Variants in LIG1 observed in about 807,000 individuals in gnomAD.
The protein encoded by LIG1 is DNA ligase 1.
A neutral mutation model predicts 115.7 loss-of-function variants in LIG1; 70 were observed. That is an observed-to-expected ratio of 0.60 (90% confidence interval 0.50 to 0.74). The LOEUF is 0.74. Ranked by LOEUF, LIG1 falls within the 30% of genes least tolerant of loss-of-function variation. LIG1 has a pLI of 0.00. For missense variants in LIG1, 1,115 were observed against 1,225.6 expected (o/e 0.91, Z 1.35); for synonymous variants, 487 against 495.3 (o/e 0.98, Z 0.22).
intron 1 of LIG1, among the ~76,000 whole-genome samples, chr19:48,166,728 T>A (rs1241202155): frequency 6.6e-6 from 1 of 152,078 alleles, no homozygotes; most frequent in Admixed American, 6.6e-5. Context: ...CCCAGCATTT[T>A]GGGAGGCCGA....
intron 6 of LIG1, among the ~76,000 whole-genome samples, chr19:48,151,919 A>G (rs1034183246): frequency 1.3e-5 from 2 of 152,130 alleles, no homozygotes; most frequent in Admixed American, 1.3e-4. Flanking sequence ...AATGCAAATG[A>G]CAGCCTGTTA....
Position 48,122,823 on chromosome 19 carries a change from G to A in LIG1, c.2232+111C>T. ...GGGGGCTGGGGTGGGATTGTGAAAA[G>A]GGGCCCTGAGCTCAGACAGGGTACA... On this transcript the variant is annotated intron_variant, in intron 23 of 27. Transcript: ENST00000263274. The surrounding 1 kb of genome is among the most constrained non-coding windows in gnomAD (Gnocchi z 4.3). 1 of 980,458 alleles carries A rather than the reference G, an allele frequency of 1.0e-6. No individual in the cohort carries two copies. Among genetic ancestry groups the A allele is most frequent in the Admixed American group, 1.7e-5 (1 of 59,132 alleles). 60.7% of individuals were successfully genotyped at this position (980,458 alleles called of 1,614,324 possible).
At chr19:48,129,865 C>T (rs527304999) in intron 19 of LIG1, among the ~76,000 whole-genome samples, 8 of 152,336 alleles carry the variant, frequency 5.3e-5, no homozygotes, top group South Asian at 2.1e-4. Context: ...AAACGATTCT[C>T]GTGCCTCAGC....
intron 21 of LIG1, among the ~76,000 whole-genome samples, chr19:48,125,599 G>A (rs772816758): frequency 6.6e-6 from 1 of 152,048 alleles, no homozygotes; most frequent in Admixed American, 6.6e-5. Flanking sequence ...AAATGCACGC[G>A]GCCAACAAAC....
intron 9 of LIG1, chr19:48,147,241 C>T (rs900663719): frequency 6.6e-6 from 1 of 152,166 alleles, no homozygotes; most frequent in African/African-American, 2.4e-5. Flanking sequence ...TATTCCAAAC[C>T]CCTTTTCCGT....
chr19:48,141,320 C>T (rs984988373), intron 11 of LIG1, among the ~76,000 whole-genome samples: 3 of 152,024 alleles, frequency 2.0e-5, no homozygotes, highest in Admixed American at 6.6e-5. Context: ...TTAGTAGAGA[C>T]GGGGTTTCAA....
chr19:48,128,468 T>C lies in LIG1; in HGVS notation c.1822-448A>G, dbSNP rs564300363. Among the ~76,000 whole-genome samples the C allele has an allele frequency of 3.9e-5, 6 of 152,294 alleles. No homozygotes were observed. The East Asian group carries it at 1.2e-3, about 29-fold the overall frequency. ...TCCCTGCTAAAAACCATCCCCATGA[T>C]TCCCCAAAGCTGGGGGGACTCTCCC... is the stretch of plus-strand genomic sequence containing the variant. On this transcript the variant is annotated intron_variant, in intron 19 of 27. Coordinates refer to ENST00000263274, the MANE Select transcript of LIG1 (RefSeq NM_000234.3).
At chr19:48,165,858 CTG>C in intron 1 of LIG1, 1 of 535,416 alleles carries the variant, frequency 1.9e-6, no homozygotes, top group South Asian at 2.0e-5. Flanking sequence ...CATAAGAAGA[CTG>C]TTTTTCATCT....
In LIG1 at chr19:48,137,430, C is replaced by A; in HGVS notation, c.1254+92G>T. 3.3e-6 allele frequency: 5 copies of A among 1,511,690 alleles called. No homozygotes were observed. The highest frequency in any genetic ancestry group is 4.5e-6 in the Non-Finnish European group (5 of 1,113,342). 93.6% of individuals were successfully genotyped at this position (1,511,690 alleles called of 1,614,324 possible). The stretch of plus-strand genomic sequence containing the variant: ...CATGAGAAGGACTGATGCGACCCAG[C>A]TGATGGTCTACCCAGAAGCCTTCCT... On this transcript the variant is annotated intron_variant, in intron 13 of 27. Coordinates refer to ENST00000263274, the MANE Select transcript of LIG1 (RefSeq NM_000234.3). The surrounding 1 kb of genome is among the most constrained non-coding windows in gnomAD (Gnocchi z 4.3).
chr19:48,130,416 T>C (rs2033939245), intron 19 of LIG1, among the ~76,000 whole-genome samples: 1 of 152,202 alleles, frequency 6.6e-6, no homozygotes, highest in Non-Finnish European at 1.5e-5. Flanking sequence ...AGACCCCTAC[T>C]GGGTGCAGAG....
In LIG1 at chr19:48,128,009, T is replaced by C. The variant is rs769177440; in HGVS notation, c.1833A>G (p.Pro611=). The change falls in exon 20 of 28, where the codon CCA becomes CCG. Residue 611 remains proline, a synonymous_variant. Coordinates refer to ENST00000263274, the MANE Select transcript of LIG1 (RefSeq NM_000234.3). ...TGTCCAGGATGAAGGATGTGACCGA[T>C]GGGAGTTTAATCTGAAAAGTGAAGG... ...IISRIPKIKL[P]SVTSFILDTE... 5 of 1,613,888 alleles carry C rather than the reference T, an allele frequency of 3.1e-6. No homozygotes were observed. The highest frequency in any genetic ancestry group is 1.1e-5 in the South Asian group (1 of 91,080).
At chr19:48,157,288 T>C (rs1463233240) in intron 4 of LIG1, 148 bp from the exon 5 acceptor site, 11 of 774,164 alleles carry the variant, frequency 1.4e-5, no homozygotes, top group Non-Finnish European at 7.8e-6. Flanking sequence ...TGGCCTCTTC[T>C]CACCTGGGCC....
intron 6 of LIG1, among the ~76,000 whole-genome samples, chr19:48,151,669 G>A (rs934434950): frequency 6.6e-6 from 1 of 152,094 alleles, no homozygotes; most frequent in Admixed American, 6.6e-5. Context: ...GACCTCAGGT[G>A]AGCCACCCGC....
chr19:48,167,826 A>C (rs1200175596), intron 1 of LIG1, among the ~76,000 whole-genome samples: 1 of 121,538 alleles, frequency 8.2e-6, no homozygotes, highest in Non-Finnish European at 1.7e-5. Context: ...ACCCCGTCTT[A>C]AAAAAAAAAA....
At chr19:48,151,464 T>C (rs111409324) in intron 6 of LIG1, 125 bp from the exon 7 acceptor site, 1 of 691,984 alleles carries the variant, frequency 1.4e-6, no homozygotes, top group African/African-American at 1.8e-5. Flanking sequence ...AGTTTCGTTC[T>C]TACCGCCCAG....
At chr19:48,121,453 C>A in intron 23 of LIG1, 131 bp from the exon 24 acceptor site, 1 of 840,110 alleles carries the variant, frequency 1.2e-6, no homozygotes, top group Non-Finnish European at 1.8e-6. Flanking sequence ...AGAAGGAACC[C>A]CAAGGATGGC....
rs577787673 is a variant in LIG1, at chr19:48,134,720, A to C, written c.1524-654T>G. On this transcript the variant is annotated intron_variant, in intron 16 of 27. Transcript: ENST00000263274. ...GTTCCACCTACAAAGATTTTGATGT[A>C]GCTGGTGTGGGGTAGGCCTGAGGTC... Among the ~76,000 whole-genome samples the C allele has an allele frequency of 5.2e-5, 8 of 152,392 alleles. No individual in the cohort carries two copies. In the South Asian group the frequency reaches 1.0e-3, roughly 20 times the overall value.
chr19:48,170,176 G>A, intron 1 of LIG1, 65 bp downstream of exon 1: 1 of 454,754 alleles, frequency 2.2e-6, no homozygotes, highest in Non-Finnish European at 4.4e-6. Flanking sequence ...CGAAGCATAG[G>A]CCCCAAGCAT....
In LIG1 at chr19:48,137,094, C is replaced by G; in HGVS notation, c.1255-10G>C. 6.2e-7 allele frequency: 1 copy of G among 1,610,420 alleles called. No individual in the cohort carries two copies. Among genetic ancestry groups the G allele is most frequent in the Non-Finnish European group, 8.5e-7 (1 of 1,177,904 alleles). On this transcript the variant is annotated splice_polypyrimidine_tract_variant and intron_variant, in intron 13 of 27. Coordinates refer to ENST00000263274, the MANE Select transcript of LIG1 (RefSeq NM_000234.3). The surrounding 1 kb of genome is among the most constrained non-coding windows in gnomAD (Gnocchi z 4.3). ...TCTTCTTGGCTGTGGACTGGAGAGTCAGGGGAAGAGCCGTCAGTGCCTGGT... is the reference window on the plus strand; with the variant it reads ...TCTTCTTGGCTGTGGACTGGAGAGTGAGGGGAAGAGCCGTCAGTGCCTGGT...
Sources: allele counts gnomAD v4.1 joint callset (sites outside exome capture counted in the v4.1 genomes callset), GRCh38; gene constraint gnomAD v4.1.1; non-coding constraint Gnocchi (gnomAD v3.1); transcripts MANE v1.5; gene names NCBI Gene and HGNC (gene_info 2026-07-23, HGNC 2026-07-21).